MRPS28: variants seen among roughly 807,000 people sequenced by gnomAD.
MRPS28 encodes the protein small ribosomal subunit protein bS1m.
A neutral mutation model predicts 10.8 loss-of-function variants in MRPS28; 7 were observed. The ratio of observed to expected loss-of-function variants is 0.65; its 90% CI spans 0.37 to 1.22. MRPS28 has a LOEUF of 1.22. Among genes scored for constraint, MRPS28 ranks in the 50% most tolerant of loss-of-function variants. The probability of loss-of-function intolerance (pLI) is 0.02; values close to 1 mark genes in which losing one functional copy is unlikely to be tolerated. For missense variants in MRPS28, 265 were observed against 232.9 expected, an observed-to-expected ratio of 1.14 and a Z score of -0.90; for synonymous variants, 121 against 93.3, an observed-to-expected ratio of 1.30 and a Z score of -1.71.
intron 2 of MRPS28, among the ~76,000 whole-genome samples, chr8:79,943,711 A>G (rs1161040600): frequency 2.0e-5 from 3 of 152,242 alleles, no homozygotes; most frequent in Admixed American, 1.3e-4. Flanking sequence ...TTCTGTTTCA[A>G]TAAAATGCCC....
chr8:79,919,117 G>T lies in MRPS28; in HGVS notation c.427C>A (p.Arg143=), dbSNP rs201208465. The T allele has an allele frequency of 1.9e-6, 3 of 1,596,592 alleles. No individual in the cohort carries two copies. Among genetic ancestry groups the T allele is most frequent in the African/African-American group, 1.4e-5 (1 of 73,866 alleles). Residue 143 remains arginine, a synonymous_variant, in exon 3 of 3, where the codon CGG becomes AGG. Coordinates refer to ENST00000276585, the MANE Select transcript of MRPS28 (RefSeq NM_014018.3). ...GACGTAAGTTCAAGATCTAATAGCC[G>T]CAACCGGACCCTGGTTCCTTTCTGG... The part of the protein sequence containing the change: ...KYQKGTRVRL[R]LLDLELTSRF...
intron 2 of MRPS28, among the ~76,000 whole-genome samples, chr8:79,929,565 T>G (rs1806403970): frequency 6.6e-6 from 1 of 152,010 alleles, no homozygotes; most frequent in South Asian, 2.1e-4. Flanking sequence ...GGTTTAATAT[T>G]AAAAAGGTGA....
intron 1 of MRPS28, among the ~76,000 whole-genome samples, chr8:80,003,604 C>A (rs1224016466): frequency 2.0e-5 from 3 of 152,234 alleles, no homozygotes. Context: ...GCATTTCCAA[C>A]TGAGGTACCG....
At chr8:79,986,762 A>C (rs1439279842) in intron 2 of MRPS28, among the ~76,000 whole-genome samples, 21 of 149,802 alleles carry the variant, frequency 1.4e-4, no homozygotes, top group Non-Finnish European at 1.5e-5. Context: ...ACCACTGCTC[A>C]ACGAAATAAA....
At chr8:79,987,741 G>C (rs185668970) in intron 2 of MRPS28, among the ~76,000 whole-genome samples, 3,374 of 152,200 alleles carry the variant, frequency 0.022, 88 homozygotes, top group African/African-American at 0.071. Context: ...CATCTCACAC[G>C]AGTTAGAATG....
intron 2 of MRPS28, among the ~76,000 whole-genome samples, chr8:79,935,335 T>C (rs1806580105): frequency 6.6e-6 from 1 of 152,198 alleles, no homozygotes; most frequent in Admixed American, 6.5e-5. Context: ...CTTTTCTTTT[T>C]TTCTTTCTTT....
intron 2 of MRPS28, among the ~76,000 whole-genome samples, chr8:79,993,193 C>A (rs79946583): frequency 6.6e-6 from 1 of 152,182 alleles, no homozygotes; most frequent in Non-Finnish European, 1.5e-5. Flanking sequence ...CCTCTCTGTC[C>A]TATTAAGATA....
chr8:79,954,494 C>A (rs1407357583), intron 2 of MRPS28, among the ~76,000 whole-genome samples: 1 of 152,108 alleles, frequency 6.6e-6, no homozygotes. Context: ...GAGAAAGATA[C>A]CCTGGGGCTT....
chr8:79,998,924 A>C (rs1247470908), intron 2 of MRPS28, among the ~76,000 whole-genome samples: 1 of 152,240 alleles, frequency 6.6e-6, no homozygotes, highest in Non-Finnish European at 1.5e-5. Flanking sequence ...ATAAAAAATT[A>C]AAACATTTGG....
intron 2 of MRPS28, among the ~76,000 whole-genome samples, chr8:79,979,788 G>C (rs1161667055): frequency 6.6e-6 from 1 of 151,844 alleles, no homozygotes; most frequent in Admixed American, 6.6e-5. Context: ...GTGGTCTGTA[G>C]AATCAGCAGC....
At chr8:79,999,755 C>A (rs889210788) in intron 2 of MRPS28, among the ~76,000 whole-genome samples, 1 of 152,080 alleles carries the variant, frequency 6.6e-6, no homozygotes, top group African/African-American at 2.4e-5. Context: ...TGATGTTAAA[C>A]CTTGGCTGAA....
At chr8:79,943,675 A>G (rs1563522306) in intron 2 of MRPS28, among the ~76,000 whole-genome samples, 1 of 152,244 alleles carries the variant, frequency 6.6e-6, no homozygotes, top group Non-Finnish European at 1.5e-5. Context: ...TAATTTGATG[A>G]AACTAAAAAT....
At chr8:79,940,200 A>G (rs1806730604) in intron 2 of MRPS28, among the ~76,000 whole-genome samples, 1 of 152,154 alleles carries the variant, frequency 6.6e-6, no homozygotes, top group South Asian at 2.1e-4. Context: ...TTAGGTTTTA[A>G]AACAGGTTTC....
chr8:79,968,696 G>A (rs971428539), intron 2 of MRPS28, among the ~76,000 whole-genome samples: 2 of 151,080 alleles, frequency 1.3e-5, no homozygotes, highest in Admixed American at 6.6e-5. Context: ...ACTCATTCTG[G>A]GACAGAGTGA....
intron 2 of MRPS28, among the ~76,000 whole-genome samples, chr8:79,953,297 T>C (rs1434387124): frequency 1.3e-5 from 2 of 152,204 alleles, no homozygotes; most frequent in South Asian, 2.1e-4. Flanking sequence ...CATTAGTACA[T>C]GGCTGTCAAA....
intron 1 of MRPS28, among the ~76,000 whole-genome samples, chr8:80,007,708 C>T (rs1385431525): frequency 6.6e-6 from 1 of 152,154 alleles, no homozygotes; most frequent in Non-Finnish European, 1.5e-5. Flanking sequence ...AGGAATCCAA[C>T]TTACAAGGGA....
At chr8:79,973,442 G>A (rs1393066732) in intron 2 of MRPS28, among the ~76,000 whole-genome samples, 1 of 152,122 alleles carries the variant, frequency 6.6e-6, no homozygotes, top group East Asian at 1.9e-4. Flanking sequence ...TGAGGTGGGA[G>A]AATCCCTTGA....
chr8:79,986,547 T>C (rs574106834), intron 2 of MRPS28, among the ~76,000 whole-genome samples: 1 of 152,326 alleles, frequency 6.6e-6, no homozygotes, highest in African/African-American at 2.4e-5. Flanking sequence ...GCCCAAAATC[T>C]CCTTAAGCTG....
intron 2 of MRPS28, among the ~76,000 whole-genome samples, chr8:79,973,415 C>T (rs1380850714): frequency 6.6e-6 from 1 of 152,190 alleles, no homozygotes; most frequent in African/African-American, 2.4e-5. Context: ...GCCTGAAGTC[C>T]TAGCTACTCA....
Sources: gnomAD v4.1 joint callset for allele counts (sites outside exome capture counted in the v4.1 genomes callset) on GRCh38, gnomAD v4.1.1 for gene constraint, MANE v1.5 for transcripts, NCBI Gene and HGNC (gene_info 2026-07-23, HGNC 2026-07-21) for gene names.